CCDC192: variants seen among roughly 807,000 people sequenced by gnomAD.
The protein encoded by CCDC192 is coiled-coil domain containing 192, also known as coiled-coil domain-containing protein 192.
intron 5 of CCDC192, among the ~76,000 whole-genome samples, chr5:127,798,483 G>C (rs1016474985): frequency 4.6e-5 from 7 of 152,094 alleles, no homozygotes; most frequent in African/African-American, 1.7e-4. Flanking sequence ...GAAGTGGAGA[G>C]ATGTGGTAAT....
chr5:127,722,280 T>C (rs1752069763), intron 2 of CCDC192, among the ~76,000 whole-genome samples: 1 of 152,136 alleles, frequency 6.6e-6, no homozygotes, highest in South Asian at 2.1e-4. Flanking sequence ...GAATGTCTTT[T>C]AGGATCTTTT....
chr5:127,749,785 T>C (rs1004236234), intron 2 of CCDC192, among the ~76,000 whole-genome samples: 1 of 152,250 alleles, frequency 6.6e-6, no homozygotes, highest in Non-Finnish European at 1.5e-5. Context: ...TTGCCACAAT[T>C]TGAGATCCTG....
intron 6 of CCDC192, among the ~76,000 whole-genome samples, chr5:127,899,635 C>T (rs1260838938): frequency 6.6e-6 from 1 of 151,990 alleles, no homozygotes; most frequent in Non-Finnish European, 1.5e-5. Flanking sequence ...ACCCAATCAC[C>T]CAGCAGTGAA....
chr5:127,896,001 T>C (rs546632334), intron 6 of CCDC192, among the ~76,000 whole-genome samples: 1 of 152,304 alleles, frequency 6.6e-6, no homozygotes, highest in South Asian at 2.1e-4. Flanking sequence ...AATGTTAACA[T>C]ACATAAGAGT....
chr5:127,729,864 T>C (rs1328699414), intron 2 of CCDC192, among the ~76,000 whole-genome samples: 1 of 152,116 alleles, frequency 6.6e-6, no homozygotes, highest in East Asian at 1.9e-4. Context: ...GGGATGCAGC[T>C]ACAGTAGTGT....
chr5:127,811,576 GC>G (rs1450024147), intron 5 of CCDC192, among the ~76,000 whole-genome samples: 33 of 152,164 alleles, frequency 2.2e-4, no homozygotes, highest in African/African-American at 7.5e-4. Flanking sequence ...TATTTTGTTC[GC>G]GAATGTGAAG....
intron 5 of CCDC192, among the ~76,000 whole-genome samples, chr5:127,798,461 G>A (rs1323550080): frequency 6.6e-6 from 1 of 152,074 alleles, no homozygotes; most frequent in African/African-American, 2.4e-5. Flanking sequence ...AGTCTAGTTG[G>A]GTGAGTAGGT....
At chr5:127,752,943 A>C (rs534430065) in intron 2 of CCDC192, among the ~76,000 whole-genome samples, 39 of 152,314 alleles carry the variant, frequency 2.6e-4, no homozygotes, top group African/African-American at 8.9e-4. Context: ...GCGCTTCCCA[A>C]GTGAGGCAAT....
At chr5:127,751,829 TC>T (rs928107754) in intron 2 of CCDC192, among the ~76,000 whole-genome samples, 1 of 152,208 alleles carries the variant, frequency 6.6e-6, no homozygotes, top group African/African-American at 2.4e-5. Flanking sequence ...TATTCTTTTT[TC>T]TCTAAACTTT....
In CCDC192 at chr5:127,858,871, A is replaced by G. The variant is rs144779000; in HGVS notation, c.412-16667A>G. Among the ~76,000 whole-genome samples, 644 of 152,364 alleles carry G rather than the reference A, an allele frequency of 4.2e-3. 3 individuals are homozygous for G. Among genetic ancestry groups the G allele is most frequent in the African/African-American group, 0.015 (616 of 41,588 alleles). ...TAATATTTCATAAGGCAAGAAAAAC[A>G]GTACAATAAAGTCACATTAAATCAT... On this transcript the variant is annotated intron_variant, in intron 5 of 6. Transcript: ENST00000514853.
At chr5:127,937,811 C>G (rs1307874335) in intron 6 of CCDC192, among the ~76,000 whole-genome samples, 2 of 152,232 alleles carry the variant, frequency 1.3e-5, no homozygotes, top group Non-Finnish European at 2.9e-5. Context: ...TCTACCTATA[C>G]TGCATTGTCT....
At chr5:127,815,973 A>G (rs148558021) in intron 5 of CCDC192, among the ~76,000 whole-genome samples, 1 of 152,376 alleles carries the variant, frequency 6.6e-6, no homozygotes, top group Non-Finnish European at 1.5e-5. Flanking sequence ...TACAGTATGT[A>G]TATAAAAAGT....
At chr5:127,832,764 A>T (rs369433910) in intron 5 of CCDC192, among the ~76,000 whole-genome samples, 1 of 152,184 alleles carries the variant, frequency 6.6e-6, no homozygotes, top group African/African-American at 2.4e-5. Context: ...ATATATTTAT[A>T]TCTTGTTCAT....
At chr5:127,915,823 A>T (rs1384464312) in intron 6 of CCDC192, among the ~76,000 whole-genome samples, 1 of 152,134 alleles carries the variant, frequency 6.6e-6, no homozygotes, top group Non-Finnish European at 1.5e-5. Flanking sequence ...AAAAGATTGG[A>T]TCCCCCTATG....
intron 3 of CCDC192, among the ~76,000 whole-genome samples, chr5:127,779,747 C>T (rs765905440): frequency 6.6e-6 from 1 of 151,776 alleles, no homozygotes; most frequent in Non-Finnish European, 1.5e-5. Flanking sequence ...TTTTATTTTT[C>T]CATAGGTTAT....
intron 5 of CCDC192, chr5:127,838,576 C>T (rs1348538728): frequency 6.6e-6 from 1 of 152,172 alleles, no homozygotes; most frequent in Non-Finnish European, 1.5e-5. Flanking sequence ...GCAGTCTTCC[C>T]ATGGTCTCTC....
intron 6 of CCDC192, among the ~76,000 whole-genome samples, chr5:127,915,731 T>G (rs1332368290): frequency 6.6e-6 from 1 of 152,232 alleles, no homozygotes; most frequent in African/African-American, 2.4e-5. Flanking sequence ...TGCAATTTTT[T>G]TTTTTTAGCT....
chr5:127,924,547 A>G (rs939101984), intron 6 of CCDC192, among the ~76,000 whole-genome samples: 6 of 152,234 alleles, frequency 3.9e-5, no homozygotes, highest in Admixed American at 2.6e-4. Context: ...GGAATATTCC[A>G]TAAACAATTG....
chr5:127,937,382 T>A (rs1411208813), intron 6 of CCDC192, among the ~76,000 whole-genome samples: 1 of 152,126 alleles, frequency 6.6e-6, no homozygotes, highest in Non-Finnish European at 1.5e-5. Flanking sequence ...AGATGGGGCC[T>A]GTGGGAAATA....
Sources: gnomAD v4.1 joint callset for allele counts (sites outside exome capture counted in the v4.1 genomes callset) on GRCh38, gnomAD v4.1.1 for gene constraint, MANE v1.5 for transcripts, NCBI Gene and HGNC (gene_info 2026-07-23, HGNC 2026-07-21) for gene names.